TAFA4: variants seen among roughly 807,000 people sequenced by gnomAD.
TAFA4 encodes chemokine-like protein TAFA-4.
In TAFA4, 20 loss-of-function variants were observed where a neutral mutation model predicts 21.1. The ratio of observed to expected loss-of-function variants is 0.95; its 90% CI spans 0.67 to 1.38. The LOEUF (loss-of-function observed/expected upper bound fraction) is 1.38, where lower values mean the gene tolerates loss of function less well. TAFA4 is among the 40% of genes most tolerant of loss of function. The pLI, the probability that TAFA4 is intolerant of heterozygous loss-of-function variation, is 0.00. For missense variants in TAFA4, 211 were observed against 180.9 expected, an observed-to-expected ratio of 1.17 and a Z score of -0.95; for synonymous variants, 71 against 67.4, an observed-to-expected ratio of 1.05 and a Z score of -0.26.
chr3:68,885,088 A>T (rs2089657312), intron 2 of TAFA4, 87 bp downstream of exon 2: 2 of 1,299,790 alleles, frequency 1.5e-6, no homozygotes, highest in Non-Finnish European at 2.2e-6. Flanking sequence ...TCTAAAACGG[A>T]TCATCAACTC....
chr3:68,850,099 C>T (rs1704908916), intron 3 of TAFA4, among the ~76,000 whole-genome samples: 1 of 152,098 alleles, frequency 6.6e-6, no homozygotes, highest in South Asian at 2.1e-4. Flanking sequence ...GAATCTATAC[C>T]CTCCTCTTCC....
intron 1 of TAFA4, among the ~76,000 whole-genome samples, chr3:68,929,482 A>T (rs1227790580): frequency 2.6e-5 from 4 of 152,238 alleles, no homozygotes; most frequent in Non-Finnish European, 5.9e-5. Context: ...CAGGACTTTA[A>T]GTCATCTTGC....
At chr3:68,908,871 C>T (rs186665932) in intron 1 of TAFA4, among the ~76,000 whole-genome samples, 209 of 152,248 alleles carry the variant, frequency 1.4e-3, no homozygotes, top group Non-Finnish European at 4.1e-4. Flanking sequence ...AGCATGACAA[C>T]GATCCAGGGT....
chr3:68,881,436 T>C (rs1184307228), intron 2 of TAFA4, among the ~76,000 whole-genome samples: 2 of 152,158 alleles, frequency 1.3e-5, no homozygotes, highest in Non-Finnish European at 2.9e-5. Flanking sequence ...TCAAAAACAA[T>C]TCCGTTCACA....
intron 3 of TAFA4, among the ~76,000 whole-genome samples, chr3:68,772,434 G>C (rs550524230): frequency 6.6e-6 from 1 of 152,242 alleles, no homozygotes; most frequent in South Asian, 2.1e-4. Flanking sequence ...ATTAGCTGGA[G>C]GCCCAGATAG....
intron 3 of TAFA4, among the ~76,000 whole-genome samples, chr3:68,761,502 T>G (rs1238843610): frequency 6.6e-6 from 1 of 152,182 alleles, no homozygotes; most frequent in Admixed American, 6.5e-5. Flanking sequence ...TTGCAAAATC[T>G]GAGGGGAAAT....
At chr3:68,740,062 C>G (rs1174588782) in intron 4 of TAFA4, among the ~76,000 whole-genome samples, 1 of 152,044 alleles carries the variant, frequency 6.6e-6, no homozygotes, top group Non-Finnish European at 1.5e-5. Flanking sequence ...GGTGGGCTTG[C>G]CTGGGTTTGA....
At chr3:68,771,965 T>C (rs538771391) in intron 3 of TAFA4, among the ~76,000 whole-genome samples, 2 of 152,070 alleles carry the variant, frequency 1.3e-5, no homozygotes, top group Non-Finnish European at 2.9e-5. Flanking sequence ...CAAAAGCAAA[T>C]TGTAAAAAAA....
At chr3:68,905,195 G>T (rs536038687) in intron 1 of TAFA4, among the ~76,000 whole-genome samples, 2 of 117,956 alleles carry the variant, frequency 1.7e-5, no homozygotes, top group African/African-American at 3.4e-5. Context: ...TTGCTCTGTC[G>T]CCAGGCTAGA....
At chr3:68,847,723 CT>C (rs917440001) in intron 3 of TAFA4, among the ~76,000 whole-genome samples, 3 of 152,162 alleles carry the variant, frequency 2.0e-5, no homozygotes, top group African/African-American at 4.8e-5. Flanking sequence ...CCAAGAGGAA[CT>C]TTTTTTAAAG....
At chr3:68,931,780 G>C (rs1228354666) in intron 1 of TAFA4, among the ~76,000 whole-genome samples, 1 of 138,950 alleles carries the variant, frequency 7.2e-6, no homozygotes, top group Non-Finnish European at 1.6e-5. Flanking sequence ...GGGGGTGGGG[G>C]CGGGGGGACG....
At chr3:68,775,284 G>C (rs966004758) in intron 3 of TAFA4, among the ~76,000 whole-genome samples, 2 of 152,182 alleles carry the variant, frequency 1.3e-5, no homozygotes, top group Non-Finnish European at 2.9e-5. Flanking sequence ...GACAGAGAGA[G>C]ACTCACTAGG....
chr3:68,800,376 A>C (rs931221060), intron 3 of TAFA4, among the ~76,000 whole-genome samples: 2 of 152,232 alleles, frequency 1.3e-5, no homozygotes, highest in African/African-American at 4.8e-5. Flanking sequence ...CTGTTACAAC[A>C]GCAGTAGGAA....
chr3:68,804,249 G>T (rs1351057446), intron 3 of TAFA4, among the ~76,000 whole-genome samples: 2 of 151,970 alleles, frequency 1.3e-5, no homozygotes, highest in African/African-American at 4.8e-5. Flanking sequence ...TATATAAAAG[G>T]TATCAGTTAC....
rs77080938 is a variant in TAFA4 at position 68,787,207 on chromosome 3, T to G, written c.131-34189A>C. 6.6e-5 allele frequency among the ~76,000 whole-genome samples: 10 copies of G among 152,300 alleles called. No homozygotes were observed. The East Asian group carries it at 1.9e-3, about 29-fold the overall frequency. Reference sequence around the variant, plus strand: ...AGGTGTTTGCAGGTATCAATAAAGCTAATGTTAAGGGGAAACAGAAAAACA... The same window carrying G: ...AGGTGTTTGCAGGTATCAATAAAGCGAATGTTAAGGGGAAACAGAAAAACA... On this transcript the variant is annotated intron_variant, in intron 3 of 5. Transcript: ENST00000295569.
rs185548403 is a variant in TAFA4, at chr3:68,874,411, C to A, written c.130+6319G>T. Among the ~76,000 whole-genome samples, 185 of 152,232 alleles carry A rather than the reference C, an allele frequency of 1.2e-3. 1 individual carries two copies. Among genetic ancestry groups the A allele is most frequent in the African/African-American group, 4.4e-3 (181 of 41,532 alleles). On this transcript the variant is annotated intron_variant, in intron 3 of 5. Transcript: ENST00000295569. ...AACGTCATTTTTCTTCCTGCCCCGT[C>A]TCTACCCCTGCTGTTTCTTTTTACC...
At chr3:68,931,550 G>C (rs545441686) in intron 1 of TAFA4, among the ~76,000 whole-genome samples, 8 of 152,178 alleles carry the variant, frequency 5.3e-5, no homozygotes, top group African/African-American at 1.9e-4. Context: ...TCTCTTCTAG[G>C]AGCGGATTAA....
intron 3 of TAFA4, among the ~76,000 whole-genome samples, chr3:68,842,827 C>A (rs151273344): frequency 1.3e-5 from 2 of 152,210 alleles, no homozygotes; most frequent in Non-Finnish European, 2.9e-5. Context: ...TTATTTTTGT[C>A]AAGTTTGTCA....
chr3:68,783,761 C>G lies in TAFA4; in HGVS notation c.131-30743G>C, dbSNP rs75054913. On this transcript the variant is annotated intron_variant, in intron 3 of 5. Coordinates refer to ENST00000295569, the MANE Select transcript of TAFA4 (RefSeq NM_182522.5). ...AGAAAGAAAGTAAGAAAGAAAGAAACAAAAACAAAGAAACAAAGAAAAAGA... is the reference window on the plus strand; with the variant it reads ...AGAAAGAAAGTAAGAAAGAAAGAAAGAAAAACAAAGAAACAAAGAAAAAGA... Among the ~76,000 whole-genome samples the G allele has an allele frequency of 1.9e-3, 225 of 115,732 alleles. 1 individual carries two copies. Among genetic ancestry groups the G allele is most frequent in the African/African-American group, 6.9e-3 (180 of 25,962 alleles). 75.9% of individuals were successfully genotyped at this position (115,732 alleles called of 152,430 possible). A position where few individuals can be genotyped will look rare whatever the true frequency, so the allele number is the denominator to read the frequency against.
Sources: allele counts gnomAD v4.1 joint callset (sites outside exome capture counted in the v4.1 genomes callset), GRCh38; gene constraint gnomAD v4.1.1; transcripts MANE v1.5; gene names NCBI Gene and HGNC (gene_info 2026-07-23, HGNC 2026-07-21).